The following KCTD3 variants were observed in gnomAD, a reference collection of about 807,000 sequenced individuals.
The protein encoded by KCTD3 is BTB/POZ domain-containing protein KCTD3.
In KCTD3, 41 loss-of-function variants were observed where a neutral mutation model predicts 85.8. That is an observed-to-expected ratio of 0.48 (90% CI 0.37 to 0.62). KCTD3 has a LOEUF of 0.62. KCTD3 is among the 20% of genes least tolerant of loss of function. The pLI is 0.00. For missense variants in KCTD3, 724 were observed against 989.9 expected (o/e 0.73, Z 3.60); for synonymous variants, 338 against 345.4 (o/e 0.98, Z 0.24).
intron 9 of KCTD3, among the ~76,000 whole-genome samples, chr1:215,593,203 G>T (rs1660286525): frequency 6.6e-6 from 1 of 152,166 alleles, no homozygotes; most frequent in Non-Finnish European, 1.5e-5. Flanking sequence ...GAAGTGGCAG[G>T]TTCATTTCTT....
At chr1:215,593,632 G>T (rs1660301746) in intron 9 of KCTD3, among the ~76,000 whole-genome samples, 1 of 151,992 alleles carries the variant, frequency 6.6e-6, no homozygotes, top group Admixed American at 6.6e-5. Context: ...GTTCTTCAAG[G>T]TTTCATGCAT....
At chr1:215,602,998 T>G (rs557675008) in intron 12 of KCTD3, among the ~76,000 whole-genome samples, 2 of 152,240 alleles carry the variant, frequency 1.3e-5, no homozygotes, top group Non-Finnish European at 2.9e-5. Flanking sequence ...AAGCTGGCTC[T>G]TTTTGATACC....
At chr1:215,576,032 T>C (rs1659561702) in intron 4 of KCTD3, 58 bp downstream of exon 4, 1 of 916,970 alleles carries the variant, frequency 1.1e-6, no homozygotes, top group Non-Finnish European at 1.7e-6. Context: ...GTTTTTAATA[T>C]GTTTTATGAA....
intron 9 of KCTD3, among the ~76,000 whole-genome samples, chr1:215,592,616 A>G (rs1344690988): frequency 6.6e-6 from 1 of 152,188 alleles, no homozygotes; most frequent in Non-Finnish European, 1.5e-5. Context: ...TTGGTGTTCA[A>G]AGGCTAATGT....
In KCTD3 at chr1:215,573,762, A is replaced by G. The variant is rs749124593; in HGVS notation, c.84-24A>G. 11 of 1,424,516 alleles carry G rather than the reference A, an allele frequency of 7.7e-6. No individual in the cohort carries two copies. In the South Asian group the frequency reaches 1.4e-4, roughly 18 times the overall value. 88.2% of individuals were successfully genotyped at this position (1,424,516 alleles called of 1,614,324 possible). On this transcript the variant is annotated intron_variant, in intron 1 of 17. Transcript: ENST00000259154. ...ATTTCAAATCATGTTCTCACTTATAATACCAGATGATTTTTAATTGCAGAT... is the reference window on the plus strand; with the variant it reads ...ATTTCAAATCATGTTCTCACTTATAGTACCAGATGATTTTTAATTGCAGAT...
Position 215,586,581 on chromosome 1 carries a change from TG to T in KCTD3, c.715del (p.Val239LeufsTer43). 1 of 1,613,972 alleles carries T rather than the reference TG, an allele frequency of 6.2e-7. No homozygotes were observed. The highest frequency in any genetic ancestry group is 8.5e-7 in the Non-Finnish European group (1 of 1,179,976). On this transcript the variant is annotated frameshift_variant, in exon 9 of 18. Transcript: ENST00000259154. LOFTEE classifies it high-confidence loss of function. ...TIERVALNAKVVGGPHGDKDK... is the reference protein window; with the variant it reads ...TIERVALNAKXVGGPHGDKDK... ...GAACGAGTAGCTTTAAATGCAAAGG[TG>T]GTTGGAGGGCCACATGGAGACAAAG...
intron 1 of KCTD3, among the ~76,000 whole-genome samples, chr1:215,568,601 G>A (rs910374073): frequency 6.7e-6 from 1 of 149,898 alleles, no homozygotes; most frequent in Non-Finnish European, 1.5e-5. Context: ...AAGGGAGTTT[G>A]CCAGCTGTTT....
Position 215,567,727 on chromosome 1 carries a change from C to G in KCTD3, c.42C>G (p.Ala14=). 1 of 1,243,546 alleles carries G rather than the reference C, an allele frequency of 8.0e-7. No homozygotes were observed. The highest frequency in any genetic ancestry group is 1.0e-6 in the Non-Finnish European group (1 of 988,200). The allele number at this position is 1,243,546 out of a possible 1,614,324, so 77.0% of individuals were successfully genotyped here. Residue 14 remains alanine (A), a synonymous_variant, in exon 1 of 18, where the codon GCC becomes GCG. Transcript: ENST00000259154. ...GHCGSFPAAA[A]GSGEIVQLNV... is the part of the protein sequence containing the mutation. ...GCGGCAGCTTCCCCGCGGCGGCGGC[C>G]GGCAGCGGCGAGATCGTCCAACTGA...
intron 8 of KCTD3, 117 bp downstream of exon 8, chr1:215,580,116 A>G: frequency 1.5e-6 from 1 of 651,170 alleles, no homozygotes; most frequent in Non-Finnish European, 2.7e-6. Flanking sequence ...TTTTCCCTGC[A>G]TATTTTACCC....
At chr1:215,599,879 C>T (rs1654763254) in intron 10 of KCTD3, among the ~76,000 whole-genome samples, 1 of 148,402 alleles carries the variant, frequency 6.7e-6, no homozygotes, top group Non-Finnish European at 1.5e-5. Flanking sequence ...TAGGCTCCTG[C>T]TGCTCTTTCA....
intron 14 of KCTD3, among the ~76,000 whole-genome samples, chr1:215,609,867 A>T (rs1296658024): frequency 6.6e-6 from 1 of 152,028 alleles, no homozygotes; most frequent in African/African-American, 2.4e-5. Context: ...GTTCTGTGGT[A>T]TGAAGATATA....
At chr1:215,576,063 GT>G (rs1169452803) in intron 4 of KCTD3, 89 bp downstream of exon 4, 8,153 of 593,946 alleles carry the variant, frequency 0.014, 1 homozygote, top group South Asian at 0.018. Context: ...TTTTTTGTTT[GT>G]TTTTTTTTTT....
In KCTD3 at chr1:215,620,692, G is replaced by A. The variant is rs1473522308; in HGVS notation, c.*74G>A. 16 of 1,007,916 alleles carry A rather than the reference G, an allele frequency of 1.6e-5. No individual in the cohort carries two copies. Among genetic ancestry groups the A allele is most frequent in the African/African-American group, 1.3e-4 (8 of 61,746 alleles). 62.4% of individuals were successfully genotyped at this position (1,007,916 alleles called of 1,614,324 possible). A position where few individuals can be genotyped will look rare whatever the true frequency, so the allele number is the denominator to read the frequency against. On this transcript the variant is annotated 3_prime_UTR_variant, in exon 18 of 18. Coordinates refer to ENST00000259154, the MANE Select transcript of KCTD3 (RefSeq NM_016121.5). ...AACTTTACTGAATTTCAGTACATTA[G>A]TTTTTACACTAAAACTTTACAAGAT...
intron 10 of KCTD3, among the ~76,000 whole-genome samples, chr1:215,600,542 A>G (rs1211763263): frequency 2.0e-5 from 3 of 152,104 alleles, no homozygotes; most frequent in African/African-American, 7.2e-5. Context: ...TCACACTATA[A>G]TTGTCTGTTA....
intron 14 of KCTD3, among the ~76,000 whole-genome samples, chr1:215,610,958 C>T (rs964442255): frequency 1.3e-5 from 2 of 151,736 alleles, no homozygotes; most frequent in South Asian, 2.1e-4. Flanking sequence ...TGTAACATAA[C>T]GGGATATATT....
At chr1:215,600,913 A>T (rs1571890652) in intron 10 of KCTD3, among the ~76,000 whole-genome samples, 1 of 152,142 alleles carries the variant, frequency 6.6e-6, no homozygotes, top group East Asian at 1.9e-4. Flanking sequence ...CTAGTAAAAT[A>T]GTATTGCAAC....
At position 215,578,014 on chromosome 1, in the gene KCTD3, C is replaced by T; in HGVS notation, c.330C>T (p.Leu110=). 6.2e-7 allele frequency: 1 copy of T among 1,611,854 alleles called. No homozygotes were observed. Among genetic ancestry groups the T allele is most frequent in the Non-Finnish European group, 8.5e-7 (1 of 1,178,790 alleles). ...YGITPLVRRL[L]LCEELERSSC... ...AAATGTTTTTAGTAAGAAGGCTTCT[C>T]TTATGTGAAGAATTGGAGCGTTCCT... The change falls in exon 6 of 18, where the codon CTC becomes CTT. Residue 110 remains leucine (L), a synonymous_variant. Transcript: ENST00000259154.
intron 7 of KCTD3, among the ~76,000 whole-genome samples, chr1:215,579,608 C>T (rs1392180181): frequency 6.6e-6 from 1 of 151,988 alleles, no homozygotes; most frequent in East Asian, 1.9e-4. Context: ...ACGCCATTCT[C>T]CTGCCTCAGC....
rs531074119 is a variant in KCTD3, at chr1:215,616,717, G to A, written c.1563-2169G>A. Among the ~76,000 whole-genome samples the A allele has an allele frequency of 3.3e-5, 5 of 152,236 alleles. No homozygotes were observed. The East Asian group carries it at 5.8e-4, about 18-fold the overall frequency. On this transcript the variant is annotated intron_variant, in intron 15 of 17. Coordinates refer to ENST00000259154, the MANE Select transcript of KCTD3 (RefSeq NM_016121.5). Reference sequence around the variant, plus strand: ...AGAGGTTGCAGTGAGCCGAGATCACGCCATTGCACTCCAGCCTGGGCAACA... The same window carrying A: ...AGAGGTTGCAGTGAGCCGAGATCACACCATTGCACTCCAGCCTGGGCAACA...
Sources: allele counts gnomAD v4.1 joint callset (sites outside exome capture counted in the v4.1 genomes callset), GRCh38; gene constraint gnomAD v4.1.1; transcripts MANE v1.5; gene names NCBI Gene and HGNC (gene_info 2026-07-23, HGNC 2026-07-21).